The following TCF20 variants were observed in gnomAD, a reference collection of about 807,000 sequenced individuals.
The protein encoded by TCF20 is transcription factor 20, also known as SPRE-binding protein.
TCF20 carries 3 observed loss-of-function variants against 148.6 expected under a neutral mutation model. The ratio of observed to expected loss-of-function variants is 0.02; its 90% confidence interval spans 0.01 to 0.05. The LOEUF (loss-of-function observed/expected upper bound fraction) is 0.05. TCF20 is among the 10% of genes least tolerant of loss of function. TCF20 has a pLI of 1.00. For synonymous variants in TCF20, 1,049 were observed against 909.5 expected, an observed-to-expected ratio of 1.15 and a Z score of -2.76; for missense variants, 2,350 against 2,429.3, an observed-to-expected ratio of 0.97 and a Z score of 0.69.
At chr22:42,230,433 C>T (rs938731649) in intron 1 of TCF20, among the ~76,000 whole-genome samples, 1 of 152,186 alleles carries the variant, frequency 6.6e-6, no homozygotes, top group Non-Finnish European at 1.5e-5. Context: ...TACTGGTTTA[C>T]ATATCCTATG....
In TCF20 at chr22:42,215,252, T is replaced by C. The variant is rs1445888839; in HGVS notation, c.54A>G (p.Pro18=). 6.2e-7 allele frequency: 1 copy of C among 1,614,188 alleles called. No homozygotes were observed. The highest frequency in any genetic ancestry group is 1.3e-5 in the African/African-American group (1 of 75,048). ...GCCGGGATGAGCCGTGTACCTCCTG[T>C]GGGTAGCTTTGCTGGTTTCCGTGGT... ...SSYHGNQQSY[P]QEVHGSSRLE... Residue 18 remains proline, a synonymous_variant, in exon 2 of 6, where the codon CCA becomes CCG. Coordinates refer to ENST00000677622, the MANE Select transcript of TCF20 (RefSeq NM_001378418.1).
At chr22:42,163,177 G>A (rs1199709890) in intron 5 of TCF20, among the ~76,000 whole-genome samples, 2 of 152,182 alleles carry the variant, frequency 1.3e-5, no homozygotes, top group African/African-American at 2.4e-5. Flanking sequence ...TTACTCAGAA[G>A]AACAGGACCC....
In TCF20 at chr22:42,250,271, T is replaced by C. The variant is rs547659231; in HGVS notation, c.-37+20068A>G. ...CTGGCCAATACGGTGAAATCCTGTC[T>C]CTACAAAAATTAATAATACAAAAAT... On this transcript the variant is annotated intron_variant, in intron 1 of 5. Coordinates refer to ENST00000677622, the MANE Select transcript of TCF20 (RefSeq NM_001378418.1). 5.9e-5 allele frequency among the ~76,000 whole-genome samples: 9 copies of C among 152,026 alleles called. No individual in the cohort carries two copies. The South Asian group carries it at 1.9e-3, about 32-fold the overall frequency.
In TCF20 at chr22:42,210,627, G is replaced by C. The variant is rs1350056313; in HGVS notation, c.4679C>G (p.Pro1560Arg). 3 of 1,614,132 alleles carry C rather than the reference G, an allele frequency of 1.9e-6. No individual in the cohort carries two copies. The highest frequency in any genetic ancestry group is 1.3e-5 in the African/African-American group (1 of 75,022). ...QKKQQQPPPP[P>R]PQPPQIPEGS... ...TTCTGGTATCTGTGGGGGCTGAGGG[G>C]GTGGAGGCGGTGGCTGCTGCTGTTT... The change falls in exon 2 of 6, where the codon CCC becomes CGC. Residue 1560 changes from proline (P) to arginine (R), a missense_variant. By Grantham distance (103) the Pro-to-Arg change is moderately radical (BLOSUM62 -2). Around this residue, in one of 7 missense-constraint regions of TCF20, gnomAD observed 374 missense variants for 398.3 expected, o/e 0.94. Coordinates refer to ENST00000677622, the MANE Select transcript of TCF20 (RefSeq NM_001378418.1). The surrounding 1 kb of genome is among the most constrained non-coding windows in gnomAD (Gnocchi z 4.7).
intron 1 of TCF20, among the ~76,000 whole-genome samples, chr22:42,245,645 G>T (rs561748457): frequency 6.6e-6 from 1 of 152,104 alleles, no homozygotes; most frequent in Non-Finnish European, 1.5e-5. Flanking sequence ...TTCCTCCAGC[G>T]CGATGTCAAC....
At position 42,312,917 on chromosome 22, in the gene TCF20, C is replaced by T. The variant is rs143480542; in HGVS notation, c.-37+30562G>A. 2.5e-4 allele frequency among the ~76,000 whole-genome samples: 38 copies of T among 152,290 alleles called. No individual in the cohort carries two copies. The East Asian group carries it at 7.3e-3, about 29-fold the overall frequency. Reference sequence around the variant, plus strand: ...GTCTGCAGAGCCCAGGGGAAAGGTGCCTTGAGGACGAAGCTGGGTCCTGGG... The same window carrying T: ...GTCTGCAGAGCCCAGGGGAAAGGTGTCTTGAGGACGAAGCTGGGTCCTGGG... On this transcript the variant is annotated intron_variant, in intron 1 of 1. Transcript: ENST00000515426.
intron 1 of TCF20, among the ~76,000 whole-genome samples, chr22:42,251,058 C>T (rs1433068386): frequency 6.6e-6 from 1 of 152,220 alleles, no homozygotes; most frequent in Non-Finnish European, 1.5e-5. Flanking sequence ...CTACCAGCCT[C>T]CACTTCCAAT....
intron 1 of TCF20, among the ~76,000 whole-genome samples, chr22:42,295,023 C>T (rs1355513113): frequency 6.6e-6 from 1 of 152,176 alleles, no homozygotes; most frequent in Admixed American, 6.5e-5. Flanking sequence ...TGGTTGGGCC[C>T]ACCTGGAACA....
At chr22:42,205,977 T>C (rs1731928190) in intron 2 of TCF20, among the ~76,000 whole-genome samples, 3 of 152,138 alleles carry the variant, frequency 2.0e-5, no homozygotes, top group Admixed American at 2.0e-4. Context: ...TTTGACCATG[T>C]TGGCCAGGCT....
upstream of TCF20, among the ~76,000 whole-genome samples, chr22:42,286,230 T>C (rs1429182157): frequency 1.3e-5 from 2 of 152,242 alleles, no homozygotes; most frequent in Middle Eastern, 6.3e-3. Context: ...GCCAAGGACA[T>C]GGGTCTGTCA....
chr22:42,333,202 C>T (rs56990967), intron 1 of TCF20, among the ~76,000 whole-genome samples: 4,261 of 152,096 alleles, frequency 0.028, 210 homozygotes, highest in African/African-American at 0.098. Context: ...TGTGCAGTGG[C>T]AGGAGCTGCC....
Position 42,303,779 on chromosome 22 carries a change from G to C in TCF20, c.-37+39700C>G, listed in dbSNP as rs974745383. On this transcript the variant is annotated intron_variant, in intron 1 of 1. Transcript: ENST00000515426. ...GCTCAGGCCAAAGGGAGGAGGAAGA[G>C]GACTGGGGGAGAAGAGGAAGCATAG... 2.6e-4 allele frequency among the ~76,000 whole-genome samples: 40 copies of C among 152,178 alleles called. No individual in the cohort carries two copies. In the East Asian group the frequency reaches 4.6e-3, roughly 18 times the overall value.
In TCF20 at chr22:42,317,748, G is replaced by A. The variant is rs529841544; in HGVS notation, c.-37+25731C>T. On this transcript the variant is annotated intron_variant, in intron 1 of 1. Transcript: ENST00000515426. This position sits in a 1 kb window ranked among gnomAD's most constrained non-coding sequence, Gnocchi z 4.2. ...CAGCAGTGGGGAGGGTGGAAGAAGG[G>A]AGCCGAGGTGGGCACAGGGCGATCC... is the stretch of plus-strand genomic sequence containing the variant. Among the ~76,000 whole-genome samples the A allele has an allele frequency of 9.5e-4, 144 of 152,312 alleles. 2 individuals are homozygous for A. The highest frequency in any genetic ancestry group is 3.3e-3 in the African/African-American group (139 of 41,556).
At chr22:42,201,851 A>C (rs1314571118) in intron 2 of TCF20, among the ~76,000 whole-genome samples, 1 of 152,186 alleles carries the variant, frequency 6.6e-6, no homozygotes, top group East Asian at 1.9e-4. Flanking sequence ...ATCGCTATCA[A>C]AACTTTGTCA....
chr22:42,326,682 G>A (rs558768833), intron 1 of TCF20, among the ~76,000 whole-genome samples: 1 of 152,288 alleles, frequency 6.6e-6, no homozygotes, highest in South Asian at 2.1e-4. Context: ...CACCCCTCTG[G>A]GCCTCAGTTT....
At chr22:42,256,625 A>G (rs752423031) in intron 1 of TCF20, among the ~76,000 whole-genome samples, 6 of 152,206 alleles carry the variant, frequency 3.9e-5, no homozygotes, top group African/African-American at 4.8e-5. Context: ...TATTCCTGCT[A>G]TATTTAAACT....
At chr22:42,229,107 AAAG>A (rs1923168935) in intron 1 of TCF20, among the ~76,000 whole-genome samples, 1 of 151,990 alleles carries the variant, frequency 6.6e-6, no homozygotes, top group African/African-American at 2.4e-5. Context: ...GAGAAGAGGA[AAAG>A]AAGCCAGAAA....
chr22:42,261,733 C>A (rs968076142), intron 1 of TCF20, among the ~76,000 whole-genome samples: 2 of 152,180 alleles, frequency 1.3e-5, no homozygotes, highest in Admixed American at 6.6e-5. Flanking sequence ...GTGGCTCACA[C>A]CTGTAATCCC....
At chr22:42,206,390 A>T (rs1224462380) in intron 2 of TCF20, among the ~76,000 whole-genome samples, 1 of 152,092 alleles carries the variant, frequency 6.6e-6, no homozygotes, top group African/African-American at 2.4e-5. Flanking sequence ...ACCCCACAAC[A>T]AAGTGAGATT....
Sources: gnomAD v4.1 joint callset for allele counts (sites outside exome capture counted in the v4.1 genomes callset) on GRCh38, gnomAD v4.1.1 for gene constraint, gnomAD v4.1.1 regional missense constraint, Gnocchi (gnomAD v3.1) non-coding constraint, MANE v1.5 for transcripts, NCBI Gene and HGNC (gene_info 2026-07-23, HGNC 2026-07-21) for gene names.